The following DPYS variants were observed in gnomAD, a reference collection of about 807,000 sequenced individuals.
DPYS encodes dihydropyrimidinase.
In DPYS, 39 loss-of-function variants were observed where a neutral mutation model predicts 50.3. That is an observed-to-expected ratio of 0.78 (90% CI 0.60 to 1.01). DPYS has a LOEUF of 1.01. DPYS is among the 50% of genes least tolerant of loss of function. The probability of loss-of-function intolerance (pLI) is 0.00; values close to 1 mark genes in which losing one functional copy is unlikely to be tolerated. For synonymous variants in DPYS, 245 were observed against 250.7 expected, an observed-to-expected ratio of 0.98 and a Z score of 0.22; for missense variants, 659 against 680.9, an observed-to-expected ratio of 0.97 and a Z score of 0.36.
chr8:104,386,290 TGGGAGGCTGA>T lies in DPYS; in HGVS notation c.1444-4986_1444-4977del, dbSNP rs564791944. 5.1e-3 allele frequency among the ~76,000 whole-genome samples: 783 copies of T among 152,280 alleles called. 3 individuals are homozygous for T. Among genetic ancestry groups the T allele is most frequent in the African/African-American group, 0.018 (750 of 41,562 alleles). ...GCTCACACCTATAATCCAAGCACTT[TGGGAGGCTGA>T]GGGAGGCTGATCACTTGAGGTCAGG... On this transcript the variant is annotated intron_variant, in intron 8 of 9. Transcript: ENST00000351513.
chr8:104,465,676 A>G (rs1402786680), intron 1 of DPYS, among the ~76,000 whole-genome samples: 5 of 152,300 alleles, frequency 3.3e-5, no homozygotes, highest in Middle Eastern at 6.8e-3. Flanking sequence ...ACGACAGCCA[A>G]TGAACTAAGA....
Position 104,398,565 on chromosome 8 carries a change from T to G in DPYS, c.1236-5574A>C, listed in dbSNP as rs531754304. Among the ~76,000 whole-genome samples the G allele has an allele frequency of 4.6e-5, 7 of 152,366 alleles. No homozygotes were observed. The East Asian group carries it at 1.2e-3, about 25-fold the overall frequency. On this transcript the variant is annotated intron_variant, in intron 7 of 9. Coordinates refer to ENST00000351513, the MANE Select transcript of DPYS (RefSeq NM_001385.3). The stretch of plus-strand genomic sequence containing the variant: ...AACCCTGCCTGACACAGCTTTTTCT[T>G]TCAATTCTTGCAATGTATCTATGGA...
chr8:104,456,787 T>C (rs1460380049), intron 1 of DPYS, among the ~76,000 whole-genome samples: 1 of 152,242 alleles, frequency 6.6e-6, no homozygotes, highest in African/African-American at 2.4e-5. Flanking sequence ...CTGTTCTTCC[T>C]TGTAAACCTT....
chr8:104,429,430 T>A, intron 5 of DPYS, 115 bp downstream of exon 5: 1 of 1,423,178 alleles, frequency 7.0e-7, no homozygotes, highest in Non-Finnish European at 9.8e-7. Flanking sequence ...ACCTGACAGG[T>A]CAAGTAGAAG....
chr8:104,380,245 A>T (rs1810986566), intron 9 of DPYS, among the ~76,000 whole-genome samples: 1 of 152,208 alleles, frequency 6.6e-6, no homozygotes, highest in Admixed American at 6.5e-5. Flanking sequence ...CAAAATGTGA[A>T]AAGGTGCAGT....
intron 7 of DPYS, among the ~76,000 whole-genome samples, chr8:104,411,235 A>G (rs1019614380): frequency 3.3e-5 from 5 of 152,196 alleles, no homozygotes; most frequent in African/African-American, 7.2e-5. Context: ...CTTACACACA[A>G]TGAACATGCA....
chr8:104,416,632 C>A (rs919788827), intron 7 of DPYS, among the ~76,000 whole-genome samples: 1 of 151,458 alleles, frequency 6.6e-6, no homozygotes, highest in Non-Finnish European at 1.5e-5. Context: ...AGCAGGAACA[C>A]AGGCTGCTGT....
chr8:104,431,743 C>A (rs143712156), intron 4 of DPYS, among the ~76,000 whole-genome samples: 1 of 152,056 alleles, frequency 6.6e-6, no homozygotes, highest in Non-Finnish European at 1.5e-5. Context: ...CCTTCATAGC[C>A]GCCTTCATGC....
At chr8:104,423,344 G>C (rs1313046651) in intron 7 of DPYS, among the ~76,000 whole-genome samples, 1 of 152,128 alleles carries the variant, frequency 6.6e-6, no homozygotes, top group East Asian at 1.9e-4. Context: ...AATATCTGGG[G>C]CTTGTTTTTA....
intron 5 of DPYS, 99 bp from the exon 6 acceptor site, chr8:104,428,220 T>C: frequency 2.0e-6 from 3 of 1,531,562 alleles, no homozygotes; most frequent in Admixed American, 1.7e-5. Context: ...CCCTTCTCAA[T>C]TGAAGTCAGA....
chr8:104,466,809 C>G lies in DPYS; in HGVS notation c.112G>C (p.Asp38His). ...GGAGCGCCCCCGGGAGGCAGCAGGT[C>G]GTGCCCGAGTGCCCGCACCACGCCG... is the stretch of plus-strand genomic sequence containing the variant. ...EDGVVRALGH[D>H]LLPPGGAPAG... Residue 38 changes from aspartate (D) to histidine (H), a missense_variant, in exon 1 of 10, where the codon GAC (aspartate) becomes CAC (histidine). Asp to His is a moderately conservative substitution (Grantham distance 81). Transcript: ENST00000351513. The G allele has an allele frequency of 1.3e-6, 2 of 1,533,904 alleles. No individual in the cohort carries two copies. The highest frequency in any genetic ancestry group is 1.8e-4 in the Middle Eastern group (1 of 5,448).
At chr8:104,401,597 T>C (rs751363103) in intron 7 of DPYS, among the ~76,000 whole-genome samples, 1 of 152,184 alleles carries the variant, frequency 6.6e-6, no homozygotes, top group Non-Finnish European at 1.5e-5. Context: ...TACTCCATGA[T>C]GTTTCTTGGT....
intron 7 of DPYS, among the ~76,000 whole-genome samples, chr8:104,407,058 A>C (rs1812019657): frequency 6.6e-6 from 1 of 152,256 alleles, no homozygotes; most frequent in Non-Finnish European, 1.5e-5. Flanking sequence ...GCTAATAAGG[A>C]AAAGTATTCC....
Position 104,444,299 on chromosome 8 carries a change from G to C in DPYS, c.742C>G (p.His248Asp). Residue 248 changes from histidine (H) to aspartate (D), a missense_variant, in exon 4 of 10, where the codon CAT becomes GAT. By Grantham distance (81) the His-to-Asp change is moderately conservative. Transcript: ENST00000351513. Reference protein sequence around the residue: ...SAVNCPLYIVHVMSKSAAKVI... With the variant: ...SAVNCPLYIVDVMSKSAAKVI... ...TTAGCTGCAGACTTGCTCATCACAT[G>C]CACAATGTAGAGAGGACAGTTCACA... 2 of 1,614,210 alleles carry C rather than the reference G, an allele frequency of 1.2e-6. No homozygotes were observed. The highest frequency in any genetic ancestry group is 1.7e-6 in the Non-Finnish European group (2 of 1,180,058).
intron 7 of DPYS, chr8:104,418,687 T>C (rs908745379): frequency 1.3e-5 from 2 of 152,302 alleles, no homozygotes; most frequent in African/African-American, 4.8e-5. Flanking sequence ...TGTTTAGTCT[T>C]GACTCACAGG....
intron 6 of DPYS, among the ~76,000 whole-genome samples, 168 bp from the exon 7 acceptor site, chr8:104,424,557 T>C (rs1812657177): frequency 6.6e-6 from 1 of 152,226 alleles, no homozygotes. Context: ...ATGCCAATGA[T>C]GGAGATGATG....
intron 7 of DPYS, among the ~76,000 whole-genome samples, chr8:104,397,764 C>G (rs1316464647): frequency 2.0e-5 from 3 of 152,154 alleles, no homozygotes; most frequent in African/African-American, 7.2e-5. Context: ...ACAACTTGCC[C>G]AAGGTTCACA....
At chr8:104,423,225 T>G (rs1329367569) in intron 7 of DPYS, among the ~76,000 whole-genome samples, 2 of 152,210 alleles carry the variant, frequency 1.3e-5, no homozygotes, top group Middle Eastern at 6.3e-3. Flanking sequence ...AACTGAAGGC[T>G]GCTTGCTTGC....
chr8:104,386,436 G>A (rs935315962), intron 8 of DPYS, among the ~76,000 whole-genome samples: 3 of 151,600 alleles, frequency 2.0e-5, no homozygotes, highest in Non-Finnish European at 4.4e-5. Flanking sequence ...GGGAGGCTGA[G>A]GCAGGAGAAT....
Sources: allele counts gnomAD v4.1 joint callset (sites outside exome capture counted in the v4.1 genomes callset), GRCh38; gene constraint gnomAD v4.1.1; transcripts MANE v1.5; gene names NCBI Gene and HGNC (gene_info 2026-07-23, HGNC 2026-07-21).